AXIN1: variants seen among roughly 807,000 people sequenced by gnomAD.
AXIN1 encodes the protein axin-1.
AXIN1 carries 30 observed loss-of-function variants against 76.4 expected under a neutral mutation model. That is an observed-to-expected ratio of 0.39 (90% CI 0.29 to 0.53). The LOEUF is 0.53. AXIN1 is among the 20% of genes least tolerant of loss of function. The probability of loss-of-function intolerance (pLI) is 0.66; values close to 1 mark genes in which losing one functional copy is unlikely to be tolerated. For synonymous variants in AXIN1, 545 were observed against 501.4 expected (o/e 1.09, Z -1.16); for missense variants, 1,140 against 1,198.8 (o/e 0.95, Z 0.72).
chr16:315,111 C>G (rs907884565), intron 2 of AXIN1, among the ~76,000 whole-genome samples: 1 of 152,204 alleles, frequency 6.6e-6, no homozygotes, highest in African/African-American at 2.4e-5. Flanking sequence ...GTGCCCAAGT[C>G]CAAGCATGGC....
At chr16:308,029 G>A (rs2053074083) in intron 4 of AXIN1, among the ~76,000 whole-genome samples, 1 of 152,196 alleles carries the variant, frequency 6.6e-6, no homozygotes, top group South Asian at 2.1e-4. Flanking sequence ...GGTTCCTACA[G>A]AGCCTCCGAT....
At chr16:289,306 TC>T (rs1430345053) in intron 10 of AXIN1, 133 bp downstream of exon 10, 1 of 1,161,304 alleles carries the variant, frequency 8.6e-7, no homozygotes, top group East Asian at 2.4e-5. Flanking sequence ...GCTGAGGCAA[TC>T]CGCCCACCTC....
At position 293,439 on chromosome 16, in the gene AXIN1, G is replaced by C. The variant is rs374253557; in HGVS notation, c.2186+49C>G. 6.4e-7 allele frequency: 1 copy of C among 1,571,136 alleles called. No individual in the cohort carries two copies. The highest frequency in any genetic ancestry group is 8.7e-7 in the Non-Finnish European group (1 of 1,151,868). On this transcript the variant is annotated intron_variant, in intron 8 of 10. Coordinates refer to ENST00000262320, the MANE Select transcript of AXIN1 (RefSeq NM_003502.4). This position sits in a 1 kb window ranked among gnomAD's most constrained non-coding sequence, Gnocchi z 4.6. Reference sequence around the variant, plus strand: ...TCGGGGAGCTTCAGCCCCAGGAGTGGTGCTGTGGTAACCCCCAAGACCCAC... The same window carrying C: ...TCGGGGAGCTTCAGCCCCAGGAGTGCTGCTGTGGTAACCCCCAAGACCCAC...
intron 9 of AXIN1, chr16:290,059 G>T: frequency 3.9e-6 from 1 of 257,846 alleles, no homozygotes; most frequent in Admixed American, 5.1e-5. Flanking sequence ...CTGGGGCGGG[G>T]GTGGCCAGCA....
intron 4 of AXIN1, 65 bp downstream of exon 4, chr16:309,908 C>T: frequency 6.5e-7 from 1 of 1,531,914 alleles, no homozygotes; most frequent in Non-Finnish European, 9.0e-7. Context: ...TCCCGCGGAC[C>T]AGTTCACCAG....
rs2052756066 is a variant in AXIN1 at position 297,810 on chromosome 16, G to A, written c.1696C>T (p.Leu566=). The A allele has an allele frequency of 6.4e-7, 1 of 1,565,378 alleles. No homozygotes were observed. The highest frequency in any genetic ancestry group is 2.3e-5 in the East Asian group (1 of 44,324). The part of the protein sequence containing the change: ...RRAQSSFAWG[L]EPHSHGARSR... ...CTTGCCCCATGGCTGTGTGGTTCCAGGCCCCAGGCGAAGCTGCTCTGGGCC... is the reference window on the plus strand; with the variant it reads ...CTTGCCCCATGGCTGTGTGGTTCCAAGCCCCAGGCGAAGCTGCTCTGGGCC... The change falls in exon 6 of 11, where the codon CTG becomes TTG. Residue 566 remains leucine (L), a synonymous_variant. Coordinates refer to ENST00000262320, the MANE Select transcript of AXIN1 (RefSeq NM_003502.4).
rs541344709 is a variant in AXIN1 at position 304,118 on chromosome 16, G to T, written c.1254+186C>A. Among the ~76,000 whole-genome samples, 261 of 152,336 alleles carry T rather than the reference G, an allele frequency of 1.7e-3. 1 individual carries two copies. The highest frequency in any genetic ancestry group is 6.0e-3 in the African/African-American group (248 of 41,572). ...TCTGAGGGTGGCATGGGGCCGCTGG[G>T]ACATCCCATCTTGAGCTGGGGCTCG... On this transcript the variant is annotated intron_variant, in intron 5 of 10. Coordinates refer to ENST00000262320, the MANE Select transcript of AXIN1 (RefSeq NM_003502.4).
Position 291,439 on chromosome 16 carries a change from G to A in AXIN1, c.2187-142C>T, listed in dbSNP as rs2052558768. On this transcript the variant is annotated intron_variant, in intron 8 of 10. Transcript: ENST00000262320. ...ACCCTGCGCAGGCTCCAGTTTGCAG[G>A]GTAGACAAGACACCGAGTCCCCTCC... is the stretch of plus-strand genomic sequence containing the variant. The A allele has an allele frequency of 1.1e-5, 8 of 735,240 alleles. No individual in the cohort carries two copies. In the South Asian group the frequency reaches 1.2e-4, roughly 11 times the overall value. The allele number at this position is 735,240 out of a possible 1,614,324, so 45.5% of individuals were successfully genotyped here.
At chr16:342,062 G>C (rs535681136) in intron 2 of AXIN1, among the ~76,000 whole-genome samples, 2 of 152,314 alleles carry the variant, frequency 1.3e-5, no homozygotes, top group Admixed American at 6.5e-5. Context: ...AGCTGGCTGC[G>C]GGAGCCAGCA....
intron 2 of AXIN1, among the ~76,000 whole-genome samples, chr16:323,719 T>G (rs1352393739): frequency 6.6e-6 from 1 of 151,604 alleles, no homozygotes; most frequent in Non-Finnish European, 1.5e-5. Flanking sequence ...AGGCGGAGCT[T>G]GCAGTGAGAT....
rs375085203 is a variant in AXIN1, at chr16:332,335, T to C, written c.878+13813A>G. ...GCTCACGCCTGTAATCCCAGCACTT[T>C]GGGAGGCCAAGGCGGGCGGATCACG... On this transcript the variant is annotated intron_variant, in intron 2 of 10. Transcript: ENST00000262320. Among the ~76,000 whole-genome samples the C allele has an allele frequency of 1.1e-3, 167 of 151,548 alleles. 2 individuals are homozygous for C. The highest frequency in any genetic ancestry group is 3.8e-3 in the African/African-American group (157 of 41,250).
At chr16:314,517 G>C (rs2141592042) in intron 3 of AXIN1, 26 bp downstream of exon 3, 1 of 1,612,866 alleles carries the variant, frequency 6.2e-7, no homozygotes, top group Non-Finnish European at 8.5e-7. Flanking sequence ...GTCCGTGAGG[G>C]ACTGGGTATC....
rs2141513462 is a variant in AXIN1 at position 298,040 on chromosome 16, G to A, written c.1466C>T (p.Pro489Leu). The part of the protein sequence containing the change: ...LRTPGRQSPG[P>L]GHRSPDSGHV... ...CCCACTGTCCGGGGAGCGATGGCCA[G>A]GCCCAGGCGACTGGCGGCCAGGTGT... is the stretch of plus-strand genomic sequence containing the variant. The change falls in exon 6 of 11, where the codon CCT (proline) becomes CTT (leucine). Residue 489 changes from proline to leucine, a missense_variant. Transcript: ENST00000262320. 5 of 1,587,088 alleles carry A rather than the reference G, an allele frequency of 3.2e-6. No homozygotes were observed. The highest frequency in any genetic ancestry group is 3.4e-6 in the Non-Finnish European group (4 of 1,172,334).
At chr16:343,973 A>C (rs1597119885) in intron 2 of AXIN1, among the ~76,000 whole-genome samples, 1 of 150,598 alleles carries the variant, frequency 6.6e-6, no homozygotes, top group Non-Finnish European at 1.5e-5. Context: ...GTGCTACTGC[A>C]CTCCAGCCTG....
chr16:303,287 G>A lies in AXIN1; in HGVS notation c.1254+1017C>T, dbSNP rs557435276. On this transcript the variant is annotated intron_variant, in intron 5 of 10. Coordinates refer to ENST00000262320, the MANE Select transcript of AXIN1 (RefSeq NM_003502.4). ...CACAGAAGTCTGCACCATTTGCAGC[G>A]GGGAGGAGCCAGGCCCCGCGTCTTC... is the stretch of plus-strand genomic sequence containing the variant. Among the ~76,000 whole-genome samples, 121 of 152,326 alleles carry A rather than the reference G, an allele frequency of 7.9e-4. 2 individuals are homozygous for A. Among genetic ancestry groups the A allele is most frequent in the Non-Finnish European group, 2.6e-4 (18 of 68,010 alleles).
rs2141710864 is a variant in AXIN1, at chr16:347,047, A to T, written c.-22T>A. On this transcript the variant is annotated 5_prime_UTR_variant, in exon 2 of 11. An upstream open reading frame in the 5' UTR gains an earlier in-frame stop. Coordinates refer to ENST00000262320, the MANE Select transcript of AXIN1 (RefSeq NM_003502.4). ...TCATTTTGGGACTCTGCGTCAAGGA[A>T]CAATGAGCGCTGCACCCTAATACAT... 3 of 1,613,900 alleles carry T rather than the reference A, an allele frequency of 1.9e-6. No individual in the cohort carries two copies. The highest frequency in any genetic ancestry group is 2.5e-6 in the Non-Finnish European group (3 of 1,180,040).
intron 2 of AXIN1, 103 bp from the exon 3 acceptor site, chr16:314,786 AAC>A (rs1211758677): frequency 6.6e-6 from 10 of 1,515,696 alleles, no homozygotes; most frequent in African/African-American, 1.4e-5. Context: ...ATTAATTAAA[AAC>A]ACAAGCAATT....
chr16:336,762 A>G (rs61550596), intron 2 of AXIN1, among the ~76,000 whole-genome samples: 4,779 of 148,134 alleles, frequency 0.032, 267 homozygotes, highest in African/African-American at 0.11. Context: ...GGTTGCAGTG[A>G]GCTGAGGTTG....
At chr16:333,825 ACACAGCACCCAGTAC>A (rs1179616047) in intron 2 of AXIN1, among the ~76,000 whole-genome samples, 5 of 151,994 alleles carry the variant, frequency 3.3e-5, no homozygotes, top group Non-Finnish European at 7.4e-5. Context: ...CATGCCAATA[ACACAGCACCCAGTAC>A]CACAGCACAC....
Sources: gnomAD v4.1 joint callset for allele counts (sites outside exome capture counted in the v4.1 genomes callset) on GRCh38, gnomAD v4.1.1 for gene constraint, Gnocchi (gnomAD v3.1) non-coding constraint, MANE v1.5 for transcripts, NCBI Gene and HGNC (gene_info 2026-07-23, HGNC 2026-07-21) for gene names.